Variants in CIB4 observed in about 807,000 individuals in gnomAD.
CIB4 encodes calcium and integrin binding family member 4, also known as calcium and integrin-binding family member 4.
In CIB4, 25 loss-of-function variants were observed where a neutral mutation model predicts 25.8. The ratio of observed to expected loss-of-function variants is 0.97; its 90% CI spans 0.71 to 1.35. The LOEUF is 1.35. Ranked by LOEUF, CIB4 falls within the 40% of genes most tolerant of loss-of-function variation. CIB4 has a pLI of 0.00. For synonymous variants in CIB4, 75 were observed against 81.4 expected (o/e 0.92, Z 0.42); for missense variants, 235 against 228.2 (o/e 1.03, Z -0.19).
chr2:26,641,123 ATTC>A (rs1341761718), intron 1 of CIB4, 135 bp downstream of exon 1: 3 of 742,720 alleles, frequency 4.0e-6, no homozygotes, highest in African/African-American at 3.4e-5. Flanking sequence ...GCCCAAGACA[ATTC>A]TTCTTCCAAT....
chr2:26,629,377 C>T (rs1332050190), intron 3 of CIB4, 33 bp downstream of exon 3: 3 of 1,387,656 alleles, frequency 2.2e-6, no homozygotes, highest in Admixed American at 2.0e-5. Flanking sequence ...CCCACTGATG[C>T]TGCCCTTGCC....
intron 3 of CIB4, among the ~76,000 whole-genome samples, chr2:26,613,200 C>T (rs1426863174): frequency 3.9e-5 from 6 of 152,142 alleles, no homozygotes; most frequent in Admixed American, 2.6e-4. Flanking sequence ...TGCTTTCTCT[C>T]GACTGAGCCT....
rs981406914 is a variant in CIB4 at position 26,616,471 on chromosome 2, T to C, written c.186+12939A>G. The stretch of plus-strand genomic sequence containing the variant: ...TCTCTGTCCTTTCTCAGTGGAAGAT[T>C]TGTCCCGCTGGGGCGTCTGGGCACT... On this transcript the variant is annotated intron_variant, in intron 3 of 6. Transcript: ENST00000288861. Among the ~76,000 whole-genome samples, 4 of 152,300 alleles carry C rather than the reference T, an allele frequency of 2.6e-5. No homozygotes were observed. In the East Asian group the frequency reaches 7.7e-4, roughly 29 times the overall value.
chr2:26,582,787 C>T (rs373792460), intron 6 of CIB4, 38 bp downstream of exon 6: 1 of 1,349,614 alleles, frequency 7.4e-7, no homozygotes, highest in South Asian at 1.2e-5. Context: ...GCCCCCACCA[C>T]TCTCCTGGAC....
At chr2:26,636,496 T>C (rs916986874) in intron 2 of CIB4, among the ~76,000 whole-genome samples, 4 of 152,186 alleles carry the variant, frequency 2.6e-5, no homozygotes, top group African/African-American at 9.6e-5. Context: ...AATTCTAATC[T>C]GGACTGATTG....
intron 4 of CIB4, among the ~76,000 whole-genome samples, chr2:26,593,575 TGTCA>T (rs1224085283): frequency 9.2e-5 from 14 of 152,304 alleles, no homozygotes; most frequent in African/African-American, 3.1e-4. Context: ...ATCTAGGTCA[TGTCA>T]GTCAGTCTCC....
chr2:26,581,716 G>A (rs1039352946), intron 6 of CIB4, among the ~76,000 whole-genome samples: 4 of 152,248 alleles, frequency 2.6e-5, no homozygotes, highest in African/African-American at 9.6e-5. Flanking sequence ...GACAGAACAA[G>A]AGGAGTTAGC....
At chr2:26,597,474 G>T (rs1435601512) in intron 3 of CIB4, among the ~76,000 whole-genome samples, 1 of 150,420 alleles carries the variant, frequency 6.6e-6, no homozygotes, top group Admixed American at 6.6e-5. Flanking sequence ...AATGGCTCTA[G>T]CTCAATCTTA....
intron 3 of CIB4, among the ~76,000 whole-genome samples, chr2:26,596,746 TAAAA>T (rs11286952): frequency 4.2e-5 from 6 of 143,284 alleles, no homozygotes; most frequent in African/African-American, 7.8e-5. Flanking sequence ...AAACTGCATC[TAAAA>T]AAAAAAAAAA....
At chr2:26,610,627 G>A (rs958635669) in intron 3 of CIB4, among the ~76,000 whole-genome samples, 1 of 152,176 alleles carries the variant, frequency 6.6e-6, no homozygotes, top group East Asian at 1.9e-4. Flanking sequence ...AGACCTCTGG[G>A]CACCACACCT....
chr2:26,586,123 T>C (rs1479613685), intron 4 of CIB4, among the ~76,000 whole-genome samples: 1 of 152,182 alleles, frequency 6.6e-6, no homozygotes, highest in African/African-American at 2.4e-5. Context: ...CTCCTCTCTC[T>C]CTGCCCCCGG....
chr2:26,629,884 A>G (rs1041987072), intron 2 of CIB4, among the ~76,000 whole-genome samples: 3 of 152,190 alleles, frequency 2.0e-5, no homozygotes, highest in Non-Finnish European at 4.4e-5. Context: ...TGGGGAAGCC[A>G]GTAGGACCTT....
chr2:26,618,404 G>A (rs1311487314), intron 3 of CIB4, among the ~76,000 whole-genome samples: 1 of 152,110 alleles, frequency 6.6e-6, no homozygotes, highest in East Asian at 1.9e-4. Flanking sequence ...TCCCACCTCA[G>A]CCTTCTGAGC....
At chr2:26,610,783 A>G (rs1668983112) in intron 3 of CIB4, among the ~76,000 whole-genome samples, 1 of 152,152 alleles carries the variant, frequency 6.6e-6, no homozygotes, top group East Asian at 1.9e-4. Flanking sequence ...CCAAGCAGTC[A>G]ATAGCAGTAA....
intron 4 of CIB4, among the ~76,000 whole-genome samples, chr2:26,584,559 G>A (rs1668414279): frequency 6.6e-6 from 1 of 152,236 alleles, no homozygotes; most frequent in South Asian, 2.1e-4. Context: ...AAGGGTTAAG[G>A]GGACAAGAGG....
intron 3 of CIB4, among the ~76,000 whole-genome samples, chr2:26,602,482 T>A (rs1242550468): frequency 2.0e-5 from 3 of 152,030 alleles, no homozygotes; most frequent in Non-Finnish European, 4.4e-5. Context: ...ATAAAATAAG[T>A]TATAAAGAAG....
At chr2:26,614,615 G>A (rs904849942) in intron 3 of CIB4, among the ~76,000 whole-genome samples, 2 of 152,162 alleles carry the variant, frequency 1.3e-5, no homozygotes, top group African/African-American at 4.8e-5. Context: ...GCCACCTCAG[G>A]CAACCCCTCC....
In CIB4 at chr2:26,640,525, C is replaced by T. The variant is rs751861834; in HGVS notation, c.89+8G>A. ...GGAGAAGGAAAGAGGGGCGGGGCTT[C>T]TACTCACCACAGAATTTCATTTCTG... On this transcript the variant is annotated splice_region_variant and intron_variant, in intron 2 of 6. Transcript: ENST00000288861. 1.9e-6 allele frequency: 3 copies of T among 1,613,156 alleles called. No homozygotes were observed. Among genetic ancestry groups the T allele is most frequent in the Non-Finnish European group, 2.5e-6 (3 of 1,179,600 alleles).
intron 3 of CIB4, among the ~76,000 whole-genome samples, chr2:26,607,269 T>C (rs1018414551): frequency 6.6e-6 from 1 of 152,226 alleles, no homozygotes; most frequent in Non-Finnish European, 1.5e-5. Context: ...GATTTTCCCA[T>C]CTTGCAGCTT....
Sources: allele counts gnomAD v4.1 joint callset (sites outside exome capture counted in the v4.1 genomes callset), GRCh38; gene constraint gnomAD v4.1.1; transcripts MANE v1.5; gene names NCBI Gene and HGNC (gene_info 2026-07-23, HGNC 2026-07-21).